Variants in ZFAT observed in about 807,000 individuals in gnomAD.
ZFAT encodes the protein zinc finger and AT-hook domain containing.
A neutral mutation model predicts 117.7 loss-of-function variants in ZFAT; 64 were observed. That is an observed-to-expected ratio of 0.54 (90% CI 0.44 to 0.67). The LOEUF is 0.67. ZFAT is among the 30% of genes least tolerant of loss of function. ZFAT has a pLI of 0.00. For missense variants in ZFAT, 1,433 were observed against 1,584.5 expected (o/e 0.90, Z 1.62); for synonymous variants, 679 against 615.0 (o/e 1.10, Z -1.54).
the ZFAT span, among the ~76,000 whole-genome samples, chr8:134,817,394 TACACACACACACACACACACAC>T: frequency 5.6e-5 from 7 of 126,070 alleles, no homozygotes; most frequent in Non-Finnish European, 8.7e-5. Context: ...TCTCTCTCTC[TACACACACACACACACACACAC>T]ACACACACAC....
intron 1 of ZFAT, among the ~76,000 whole-genome samples, chr8:134,685,470 C>T (rs1482942062): frequency 1.3e-5 from 2 of 152,182 alleles, no homozygotes; most frequent in African/African-American, 4.8e-5. Context: ...AAAGTAGCTA[C>T]GTGGAGAAGG....
In ZFAT at chr8:134,612,808, C is replaced by T. The variant is rs140653698; in HGVS notation, c.449-2153G>A. On this transcript the variant is annotated intron_variant, in intron 3 of 15. Coordinates refer to ENST00000377838, the MANE Select transcript of ZFAT (RefSeq NM_020863.4). ...AACGGAAAAAGTCAAGACCATCAGA[C>T]GTGTCCCTCCTTTGAAGAGCATGAT... Among the ~76,000 whole-genome samples, 732 of 152,334 alleles carry T rather than the reference C, an allele frequency of 4.8e-3. 2 individuals are homozygous for T. Among genetic ancestry groups the T allele is most frequent in the Non-Finnish European group, 7.8e-3 (531 of 68,024 alleles).
Position 134,657,673 on chromosome 8 carries a change from G to A in ZFAT, c.84C>T (p.Leu28=). The change falls in exon 2 of 16, where the codon CTC becomes CTT. Residue 28 remains leucine (L), a synonymous_variant. Transcript: ENST00000377838. ...NLFSPNQSEL[L]SHVSEKHMEE... ...CCATGTGCTTCTCTGAAACGTGGGAGAGGAGTTCCGACTGATTTGGTGAGA... is the reference window on the plus strand; with the variant it reads ...CCATGTGCTTCTCTGAAACGTGGGAAAGGAGTTCCGACTGATTTGGTGAGA... 1.2e-6 allele frequency: 2 copies of A among 1,614,164 alleles called. No individual in the cohort carries two copies. The highest frequency in any genetic ancestry group is 1.3e-5 in the African/African-American group (1 of 75,012).
intron 10 of ZFAT, among the ~76,000 whole-genome samples, chr8:134,574,760 A>T (rs1335915129): frequency 6.6e-6 from 1 of 152,158 alleles, no homozygotes; most frequent in Admixed American, 6.5e-5. Flanking sequence ...TATAAATCTC[A>T]ACTGTTATTA....
chr8:134,661,489 T>A (rs1345167799), intron 1 of ZFAT, among the ~76,000 whole-genome samples: 1 of 151,998 alleles, frequency 6.6e-6, no homozygotes, highest in African/African-American at 2.4e-5. Flanking sequence ...AATGGCCCCA[T>A]CACATGGCTC....
intron 2 of ZFAT, among the ~76,000 whole-genome samples, 199 bp from the exon 3 acceptor site, chr8:134,637,911 C>G (rs955915922): frequency 9.2e-5 from 14 of 152,186 alleles, no homozygotes; most frequent in African/African-American, 3.4e-4. Flanking sequence ...AATGGGTAAT[C>G]AATTTTCTAA....
intron 7 of ZFAT, 80 bp from the exon 8 acceptor site, chr8:134,590,435 T>A (rs1475489073): frequency 8.8e-7 from 1 of 1,131,002 alleles, no homozygotes; most frequent in South Asian, 1.4e-5. Flanking sequence ...ATCATCACCA[T>A]CATCACCCAC....
At chr8:134,832,272 T>A in the ZFAT span, among the ~76,000 whole-genome samples, 1 of 151,678 alleles carries the variant, frequency 6.6e-6, no homozygotes, top group African/African-American at 2.4e-5. Flanking sequence ...CCCTCGCCTT[T>A]AGTTTGACCT....
intron 1 of ZFAT, among the ~76,000 whole-genome samples, chr8:134,691,116 A>G (rs1264965499): frequency 6.6e-6 from 1 of 152,262 alleles, no homozygotes; most frequent in East Asian, 1.9e-4. Context: ...CCCTCGATGC[A>G]GAGGCATCAC....
At chr8:134,566,166 G>C (rs10093432) in intron 10 of ZFAT, among the ~76,000 whole-genome samples, 1 of 152,052 alleles carries the variant, frequency 6.6e-6, no homozygotes, top group African/African-American at 2.4e-5. Flanking sequence ...AGGCCGAGAT[G>C]GGCAGATCAC....
chr8:134,657,967 T>G (rs9324433), intron 1 of ZFAT, among the ~76,000 whole-genome samples: 4,809 of 152,206 alleles, frequency 0.032, 254 homozygotes, highest in African/African-American at 0.11. Flanking sequence ...TCCTTCTGGA[T>G]AGTGTCTAAT....
intron 7 of ZFAT, among the ~76,000 whole-genome samples, chr8:134,590,650 C>A (rs1479789297): frequency 2.5e-4 from 24 of 97,032 alleles, no homozygotes; most frequent in African/African-American, 7.8e-4. Flanking sequence ...TCATCACCAC[C>A]ACCACCACCA....
At chr8:134,731,764 C>T in the ZFAT span, among the ~76,000 whole-genome samples, 15 of 152,080 alleles carry the variant, frequency 9.9e-5, no homozygotes, top group African/African-American at 3.6e-4. Flanking sequence ...TATGATTCAG[C>T]GGCTAGTCCC....
intron 2 of ZFAT, among the ~76,000 whole-genome samples, chr8:134,653,419 GTTTTTTTT>G (rs61711569): frequency 1.9e-5 from 1 of 51,336 alleles, no homozygotes; most frequent in African/African-American, 8.6e-5. Flanking sequence ...CGTTTTATCT[GTTTTTTTT>G]TTTTTTTTTT....
intron 13 of ZFAT, among the ~76,000 whole-genome samples, chr8:134,518,036 AG>A (rs1263115788): frequency 2.0e-5 from 3 of 152,188 alleles, no homozygotes; most frequent in Non-Finnish European, 2.9e-5. Flanking sequence ...GGAGATATTC[AG>A]AGTTTATGTG....
chr8:134,727,009 G>T, the ZFAT span, among the ~76,000 whole-genome samples: 12 of 151,942 alleles, frequency 7.9e-5, no homozygotes, highest in Non-Finnish European at 1.3e-4. Flanking sequence ...CCTGATGCTC[G>T]CCTAACCTTC....
intron 12 of ZFAT, among the ~76,000 whole-genome samples, chr8:134,532,193 T>C (rs932498654): frequency 1.2e-4 from 19 of 152,366 alleles, no homozygotes; most frequent in African/African-American, 4.1e-4. Context: ...GAGGTTTTCA[T>C]CAATTCTCAT....
intron 11 of ZFAT, among the ~76,000 whole-genome samples, chr8:134,536,153 ATG>A (rs1432697042): frequency 6.6e-6 from 1 of 152,186 alleles, no homozygotes; most frequent in Admixed American, 6.5e-5. Flanking sequence ...TTGGCAAAAA[ATG>A]TGTGTGTGAG....
chr8:134,503,587 A>C (rs1201796933), intron 15 of ZFAT, among the ~76,000 whole-genome samples: 4 of 152,212 alleles, frequency 2.6e-5, no homozygotes, highest in African/African-American at 9.6e-5. Flanking sequence ...ATTAACATTT[A>C]AACTGGCAGA....
Sources: gnomAD v4.1 joint callset for allele counts (sites outside exome capture counted in the v4.1 genomes callset) on GRCh38, gnomAD v4.1.1 for gene constraint, MANE v1.5 for transcripts, NCBI Gene and HGNC (gene_info 2026-07-23, HGNC 2026-07-21) for gene names.